The following CDH8 variants were observed in gnomAD, a reference collection of about 807,000 sequenced individuals.
CDH8 encodes the protein cadherin 8, also known as cadherin-8.
Under a neutral mutation model 68.1 loss-of-function variants are expected in CDH8, and 17 were observed. The observed-to-expected ratio is 0.25, with a 90% confidence interval of 0.17 to 0.37. The LOEUF (loss-of-function observed/expected upper bound fraction) is 0.37. CDH8 is among the 10% of genes least tolerant of loss of function. The pLI, the probability that CDH8 is intolerant of heterozygous loss-of-function variation, is 1.00. For synonymous variants in CDH8, 372 were observed against 365.1 expected (o/e 1.02, Z -0.21); for missense variants, 763 against 999.3 (o/e 0.76, Z 3.19).
intron 4 of CDH8, among the ~76,000 whole-genome samples, chr16:61,834,690 A>G (rs962771824): frequency 3.3e-5 from 5 of 151,962 alleles, no homozygotes; most frequent in Admixed American, 1.3e-4. Context: ...TGCTTTACCA[A>G]TGAATGATGT....
chr16:61,863,131 C>T (rs1363567138), intron 3 of CDH8, among the ~76,000 whole-genome samples: 4 of 152,174 alleles, frequency 2.6e-5, no homozygotes, highest in East Asian at 3.9e-4. Context: ...AGTATGAACA[C>T]ATCAATTCCA....
At chr16:61,774,984 C>T (rs1195003879) in intron 8 of CDH8, among the ~76,000 whole-genome samples, 1 of 152,076 alleles carries the variant, frequency 6.6e-6, no homozygotes, top group Non-Finnish European at 1.5e-5. Context: ...ATTAAAAATG[C>T]ATTAATACAT....
intron 10 of CDH8, among the ~76,000 whole-genome samples, chr16:61,689,818 G>T (rs1002995469): frequency 6.6e-6 from 1 of 151,858 alleles, no homozygotes; most frequent in Non-Finnish European, 1.5e-5. Context: ...TATGAGGATG[G>T]TTTTACTAAT....
At chr16:61,840,302 T>C (rs1335030012) in intron 4 of CDH8, among the ~76,000 whole-genome samples, 2 of 152,116 alleles carry the variant, frequency 1.3e-5, no homozygotes, top group East Asian at 3.9e-4. Flanking sequence ...TCTTCAAATG[T>C]CAAATTATTA....
intron 3 of CDH8, among the ~76,000 whole-genome samples, chr16:61,877,200 T>C (rs1273799694): frequency 6.6e-6 from 1 of 151,938 alleles, no homozygotes; most frequent in East Asian, 1.9e-4. Context: ...AACATCACCA[T>C]AAAGAAATTG....
At chr16:61,660,840 T>C (rs1277059814) in intron 10 of CDH8, among the ~76,000 whole-genome samples, 2 of 152,002 alleles carry the variant, frequency 1.3e-5, no homozygotes, top group Admixed American at 6.6e-5. Context: ...AATAAATATG[T>C]ATATGAAATA....
At chr16:61,847,680 G>A (rs1472578546) in intron 4 of CDH8, among the ~76,000 whole-genome samples, 3 of 151,414 alleles carry the variant, frequency 2.0e-5, no homozygotes, top group Non-Finnish European at 2.9e-5. Flanking sequence ...TACATCTAAA[G>A]TTACTTTTGC....
chr16:61,803,460 A>G (rs552665059), intron 7 of CDH8, among the ~76,000 whole-genome samples: 57 of 148,184 alleles, frequency 3.8e-4, no homozygotes, highest in African/African-American at 1.4e-3. Context: ...AAATTCACAC[A>G]TAACAATATT....
At chr16:61,978,276 A>T (rs1427473391) in intron 2 of CDH8, among the ~76,000 whole-genome samples, 1 of 152,118 alleles carries the variant, frequency 6.6e-6, no homozygotes, top group African/African-American at 2.4e-5. Flanking sequence ...TTCCTGCACA[A>T]ATCACATTTT....
chr16:61,661,163 C>T (rs1452077169), intron 10 of CDH8, among the ~76,000 whole-genome samples: 1 of 151,842 alleles, frequency 6.6e-6, no homozygotes, highest in Non-Finnish European at 1.5e-5. Flanking sequence ...GTAATAGTGG[C>T]ATACTCTAAT....
intron 6 of CDH8, among the ~76,000 whole-genome samples, chr16:61,818,462 T>A (rs1005551950): frequency 6.6e-6 from 1 of 152,154 alleles, no homozygotes; most frequent in African/African-American, 2.4e-5. Context: ...TATAAATAGA[T>A]AACTGAATCT....
chr16:61,824,441 A>G (rs1408937126), intron 5 of CDH8, among the ~76,000 whole-genome samples: 1 of 151,898 alleles, frequency 6.6e-6, no homozygotes, highest in Non-Finnish European at 1.5e-5. Context: ...CGATGAGAGT[A>G]AAGAAAGTTG....
At chr16:61,965,143 A>G (rs1965225206) in intron 2 of CDH8, among the ~76,000 whole-genome samples, 1 of 152,172 alleles carries the variant, frequency 6.6e-6, no homozygotes, top group Non-Finnish European at 1.5e-5. Context: ...CAGCATGTGA[A>G]AATCCCCTCA....
At chr16:62,032,944 G>A (rs571330779) in intron 1 of CDH8, among the ~76,000 whole-genome samples, 2 of 152,210 alleles carry the variant, frequency 1.3e-5, no homozygotes, top group East Asian at 1.9e-4. Flanking sequence ...TTTTTAATAT[G>A]TGCATGTTCT....
intron 10 of CDH8, among the ~76,000 whole-genome samples, chr16:61,657,078 G>A (rs1282729735): frequency 1.3e-5 from 2 of 150,626 alleles, no homozygotes; most frequent in South Asian, 2.1e-4. Flanking sequence ...TCAAATATTG[G>A]CCAATTATAG....
rs1963426128 is a variant in CDH8 at position 61,655,560 on chromosome 16, G to A, written c.1816C>T (p.Gln606Ter). 1 of 1,613,996 alleles carries A rather than the reference G, an allele frequency of 6.2e-7. No homozygotes were observed. The highest frequency in any genetic ancestry group is 1.7e-5 in the Admixed American group (1 of 59,990). The part of the protein sequence containing the change: ...VCGCSNDGVV[Q>*]SCNVEAYVLP... Reference sequence around the variant, plus strand: ...ACATAAGCTTCGACATTGCAAGACTGGACGACACCGTCATTGCTGCAGCCA... The same window carrying A: ...ACATAAGCTTCGACATTGCAAGACTAGACGACACCGTCATTGCTGCAGCCA... The change falls in exon 11 of 12, where the codon CAG (glutamine) becomes TAG (stop). Residue 606 changes from glutamine (Q) to a stop codon, truncating the protein, a stop_gained. Transcript: ENST00000577390. LOFTEE classifies it high-confidence loss of function.
intron 7 of CDH8, among the ~76,000 whole-genome samples, chr16:61,811,920 A>G: frequency 6.6e-6 from 1 of 152,246 alleles, no homozygotes; most frequent in East Asian, 1.9e-4. Context: ...ATTGCTAATC[A>G]ACAGGCATAA....
chr16:61,913,282 G>A (rs975565155), intron 2 of CDH8, among the ~76,000 whole-genome samples: 1 of 152,058 alleles, frequency 6.6e-6, no homozygotes, highest in Non-Finnish European at 1.5e-5. Context: ...ATTTTCTACT[G>A]GTGGAATCAT....
intron 2 of CDH8, among the ~76,000 whole-genome samples, chr16:61,984,868 T>G (rs1965599871): frequency 6.6e-6 from 1 of 152,186 alleles, no homozygotes; most frequent in African/African-American, 2.4e-5. Flanking sequence ...GAAATATTTT[T>G]TCCATATAGA....
Sources: allele counts gnomAD v4.1 joint callset (sites outside exome capture counted in the v4.1 genomes callset), GRCh38; gene constraint gnomAD v4.1.1; transcripts MANE v1.5; gene names NCBI Gene and HGNC (gene_info 2026-07-23, HGNC 2026-07-21).